The following PCGF5 variants were observed in gnomAD, a reference collection of about 807,000 sequenced individuals.
The protein encoded by PCGF5 is polycomb group RING finger protein 5.
In PCGF5, 9 loss-of-function variants were observed where a neutral mutation model predicts 44.3. The observed-to-expected ratio is 0.20, with a 90% CI of 0.12 to 0.35. PCGF5 has a LOEUF of 0.35. Ranked by LOEUF, PCGF5 falls within the 10% of genes least tolerant of loss-of-function variation. PCGF5 has a pLI of 1.00. For missense variants in PCGF5, 146 were observed against 305.3 expected (o/e 0.48, Z 3.89); for synonymous variants, 95 against 102.5 (o/e 0.93, Z 0.44).
At chr10:91,191,733 T>A (rs1844037092) in intron 1 of PCGF5, among the ~76,000 whole-genome samples, 1 of 152,142 alleles carries the variant, frequency 6.6e-6, no homozygotes, top group African/African-American at 2.4e-5. Context: ...TTTGGGATTG[T>A]CCCCTGTCCA....
At chr10:91,158,329 G>A (rs1016780061), upstream of PCGF5, among the ~76,000 whole-genome samples, 1 of 152,146 alleles carries the variant, frequency 6.6e-6, no homozygotes, top group African/African-American at 2.4e-5. Flanking sequence ...AATATAAAAT[G>A]CACATTTATT....
At chr10:91,163,402 G>C (rs1234692363) in intron 1 of PCGF5, among the ~76,000 whole-genome samples, 1 of 151,816 alleles carries the variant, frequency 6.6e-6, no homozygotes, top group African/African-American at 2.4e-5. Context: ...CCTGGCCGCG[G>C]CCCCGCCGCG....
the PCGF5 span, among the ~76,000 whole-genome samples, chr10:91,156,745 G>C: frequency 1.3e-5 from 2 of 151,982 alleles, no homozygotes; most frequent in African/African-American, 4.8e-5. Flanking sequence ...CCTCTCTTTG[G>C]GAAGTACAAA....
intron 1 of PCGF5, among the ~76,000 whole-genome samples, chr10:91,201,834 A>G (rs541634580): frequency 1.3e-5 from 2 of 151,256 alleles, no homozygotes; most frequent in South Asian, 4.2e-4. Flanking sequence ...GTTCTTGATG[A>G]CTTTTGATCA....
Position 91,263,782 on chromosome 10 carries a change from G to T in PCGF5, c.574-649G>T, listed in dbSNP as rs559856120. On this transcript the variant is annotated intron_variant, in intron 7 of 9. Coordinates refer to ENST00000336126, the MANE Select transcript of PCGF5 (RefSeq NM_032373.5). ...TTGTGCAAAGTGGGAAGAGGATCCT[G>T]TAAGTATTGTGCAAATCACTGACCA... 7.9e-5 allele frequency among the ~76,000 whole-genome samples: 12 copies of T among 152,270 alleles called. No individual in the cohort carries two copies. The South Asian group carries it at 2.3e-3, about 29-fold the overall frequency.
chr10:91,204,820 T>C (rs2133240496), intron 1 of PCGF5, among the ~76,000 whole-genome samples: 1 of 152,354 alleles, frequency 6.6e-6, no homozygotes, highest in South Asian at 2.1e-4. Flanking sequence ...TTTGATTCTG[T>C]GTAGGTCACC....
intron 1 of PCGF5, among the ~76,000 whole-genome samples, chr10:91,166,236 C>A (rs77482803): frequency 0.013 from 1,942 of 152,302 alleles, 54 homozygotes; most frequent in African/African-American, 0.043. Context: ...AGAATGGTTT[C>A]TATCATTAGT....
chr10:91,207,739 T>G (rs894869378), intron 1 of PCGF5, among the ~76,000 whole-genome samples: 2 of 152,218 alleles, frequency 1.3e-5, no homozygotes, highest in Non-Finnish European at 2.9e-5. Flanking sequence ...TTTCAAAAAG[T>G]GTAGGCCATT....
At chr10:91,205,163 C>T (rs1446428328) in intron 1 of PCGF5, among the ~76,000 whole-genome samples, 2 of 152,244 alleles carry the variant, frequency 1.3e-5, no homozygotes, top group African/African-American at 4.8e-5. Context: ...ACTAGAGTCA[C>T]TAAGTTGGGC....
At chr10:91,156,921 CTAAGT>C in the PCGF5 span, among the ~76,000 whole-genome samples, 1 of 152,174 alleles carries the variant, frequency 6.6e-6, no homozygotes, top group African/African-American at 2.4e-5. Context: ...CTACTATATA[CTAAGT>C]TATTTCCATG....
At chr10:91,209,928 T>A (rs576129792) in intron 1 of PCGF5, among the ~76,000 whole-genome samples, 1 of 152,318 alleles carries the variant, frequency 6.6e-6, no homozygotes, top group South Asian at 2.1e-4. Flanking sequence ...TCAATGAGAT[T>A]GACATGTGGA....
chr10:91,273,859 CATTTTATAT>C (rs1475194376), intron 9 of PCGF5, among the ~76,000 whole-genome samples: 3 of 149,544 alleles, frequency 2.0e-5, no homozygotes, highest in African/African-American at 4.9e-5. Flanking sequence ...ATATTTTATA[CATTTTATAT>C]ATTTTATACA....
chr10:91,263,143 G>A (rs34786802), intron 7 of PCGF5, among the ~76,000 whole-genome samples: 1 of 152,152 alleles, frequency 6.6e-6, no homozygotes, highest in Non-Finnish European at 1.5e-5. Context: ...CTAGTATGCA[G>A]GGGGATTATT....
At chr10:91,158,089 A>G (rs1564620526), upstream of PCGF5, among the ~76,000 whole-genome samples, 1 of 152,182 alleles carries the variant, frequency 6.6e-6, no homozygotes, top group Non-Finnish European at 1.5e-5. Flanking sequence ...TAATTAATAC[A>G]CCCATATGTA....
At chr10:91,240,637 AT>A in intron 3 of PCGF5, 57 bp downstream of exon 3, 1 of 1,106,454 alleles carries the variant, frequency 9.0e-7, no homozygotes, top group Non-Finnish European at 1.3e-6. Context: ...TAGGCTCTTA[AT>A]TTTTATTGTA....
At chr10:91,209,347 C>A (rs939648035) in intron 1 of PCGF5, among the ~76,000 whole-genome samples, 2 of 152,118 alleles carry the variant, frequency 1.3e-5, no homozygotes, top group Admixed American at 1.3e-4. Flanking sequence ...GTGGCACACA[C>A]CTGTAATCCC....
intron 1 of PCGF5, among the ~76,000 whole-genome samples, chr10:91,167,987 A>G (rs559283506): frequency 8.2e-4 from 125 of 152,272 alleles, no homozygotes; most frequent in African/African-American, 2.9e-3. Context: ...GTTGGCAAGG[A>G]TTGAAATAGG....
chr10:91,232,816 G>T (rs547512419), intron 2 of PCGF5, among the ~76,000 whole-genome samples: 3 of 152,142 alleles, frequency 2.0e-5, no homozygotes, highest in Non-Finnish European at 4.4e-5. Context: ...GATATGTTGG[G>T]GGTTTGAAGA....
chr10:91,178,658 G>A (rs1843760056), intron 1 of PCGF5, among the ~76,000 whole-genome samples: 1 of 151,846 alleles, frequency 6.6e-6, no homozygotes, highest in Admixed American at 6.6e-5. Flanking sequence ...CAAAGTGCTG[G>A]GATTACAGGT....
Sources: gnomAD v4.1 joint callset for allele counts (sites outside exome capture counted in the v4.1 genomes callset) on GRCh38, gnomAD v4.1.1 for gene constraint, MANE v1.5 for transcripts, NCBI Gene and HGNC (gene_info 2026-07-23, HGNC 2026-07-21) for gene names.